Variants in NDC1 observed in about 807,000 individuals in gnomAD.
The protein encoded by NDC1 is nucleoporin NDC1.
In NDC1, 24 loss-of-function variants were observed where a neutral mutation model predicts 89.8. The observed-to-expected ratio is 0.27, with a 90% CI of 0.19 to 0.38. The LOEUF is 0.38. Ranked by LOEUF, NDC1 falls within the 10% of genes least tolerant of loss-of-function variation. NDC1 has a pLI of 1.00. For missense variants in NDC1, 728 were observed against 797.6 expected (o/e 0.91, Z 1.05); for synonymous variants, 296 against 284.8 (o/e 1.04, Z -0.39).
At chr1:53,816,478 C>A (rs538060057) in intron 6 of NDC1, among the ~76,000 whole-genome samples, 10 of 151,928 alleles carry the variant, frequency 6.6e-5, no homozygotes, top group Non-Finnish European at 1.5e-4. Flanking sequence ...AAACCTAAGA[C>A]CTGAAACCAT....
rs1647732242 is a variant in NDC1 at position 53,797,031 on chromosome 1, G to T, written c.1336C>A (p.Pro446Thr). The change falls in exon 12 of 18, where the codon CCA becomes ACA. Residue 446 changes from proline (P) to threonine (T), a missense_variant. Pro to Thr is a conservative substitution (Grantham distance 38). Coordinates refer to ENST00000371429, the MANE Select transcript of NDC1 (RefSeq NM_018087.5). ...CTAGAGCCAAATGGGGTCCCAAATG[G>T]GCTCACAACATCAGGTGTAGATAAT... ...SKLSTPDVVS[P>T]FGTPFGSSVM... The T allele has an allele frequency of 1.9e-6, 3 of 1,614,074 alleles. No individual in the cohort carries two copies. The highest frequency in any genetic ancestry group is 2.5e-6 in the Non-Finnish European group (3 of 1,180,024).
At chr1:53,835,678 C>A (rs1649207487) in intron 1 of NDC1, 58 bp from the exon 2 acceptor site, 2 of 1,467,960 alleles carry the variant, frequency 1.4e-6, no homozygotes, top group Non-Finnish European at 1.9e-6. Context: ...TTCAGTTATG[C>A]AAATCCTATC....
chr1:53,800,864 A>T lies in NDC1; in HGVS notation c.1067-16T>A. The T allele has an allele frequency of 6.4e-7, 1 of 1,554,048 alleles. No homozygotes were observed. Among genetic ancestry groups the T allele is most frequent in the Non-Finnish European group, 8.7e-7 (1 of 1,154,630 alleles). On this transcript the variant is annotated splice_polypyrimidine_tract_variant and intron_variant, in intron 10 of 17. Transcript: ENST00000371429. Reference sequence around the variant, plus strand: ...GGATGTCCACCTAGGAGGTCCAAACACCAGCTTTTAAAATGTAAATAATCT... The same window carrying T: ...GGATGTCCACCTAGGAGGTCCAAACTCCAGCTTTTAAAATGTAAATAATCT...
chr1:53,789,946 T>C (rs1252810671), intron 14 of NDC1, among the ~76,000 whole-genome samples: 1 of 144,800 alleles, frequency 6.9e-6, no homozygotes, highest in East Asian at 2.1e-4. Flanking sequence ...TCTACTAAAA[T>C]ACAAAAATTA....
At chr1:53,793,789 C>G (rs182260054) in intron 13 of NDC1, among the ~76,000 whole-genome samples, 7 of 152,082 alleles carry the variant, frequency 4.6e-5, no homozygotes, top group Admixed American at 3.9e-4. Flanking sequence ...CAGGGTCTCA[C>G]CATCTTGCCC....
chr1:53,798,931 T>C lies in NDC1; in HGVS notation c.1222+1762A>G, dbSNP rs1176947598. On this transcript the variant is annotated intron_variant, in intron 11 of 17. Coordinates refer to ENST00000371429, the MANE Select transcript of NDC1 (RefSeq NM_018087.5). Reference sequence around the variant, plus strand: ...AATTTAAAAATTAAGACTGGAGTTTTTAAGAGTTTTACAATTATTCTTCAA... The same window carrying C: ...AATTTAAAAATTAAGACTGGAGTTTCTAAGAGTTTTACAATTATTCTTCAA... 3.3e-5 allele frequency among the ~76,000 whole-genome samples: 5 copies of C among 152,238 alleles called. No homozygotes were observed. The East Asian group carries it at 9.6e-4, about 29-fold the overall frequency.
At chr1:53,778,681 G>A (rs1317801916) in intron 16 of NDC1, among the ~76,000 whole-genome samples, 1 of 152,110 alleles carries the variant, frequency 6.6e-6, no homozygotes, top group Non-Finnish European at 1.5e-5. Context: ...AATGACAATA[G>A]TATGTGAAAA....
At position 53,832,516 on chromosome 1, in the gene NDC1, C is replaced by CTTA. The variant is rs577226450; in HGVS notation, c.251_253dup (p.Ile84dup). On this transcript the variant is annotated inframe_insertion, in exon 3 of 18. Coordinates refer to ENST00000371429, the MANE Select transcript of NDC1 (RefSeq NM_018087.5). ...TGCATAGAACTCCACATTGAAAATA[C>CTTA]TTATTATTATTATTACCACTGACAG... The CTTA allele has an allele frequency of 3.8e-6, 6 of 1,587,430 alleles. No individual in the cohort carries two copies. The highest frequency in any genetic ancestry group is 4.5e-5 in the East Asian group (2 of 44,676).
chr1:53,835,579 C>G lies in NDC1; in HGVS notation c.99G>C (p.Val33=), dbSNP rs757496028. 6.2e-7 allele frequency: 1 copy of G among 1,613,078 alleles called. No individual in the cohort carries two copies. The highest frequency in any genetic ancestry group is 1.7e-5 in the Admixed American group (1 of 59,944). Reference sequence around the variant, plus strand: ...CTGTGGTGCAGATGGGTAGAAATAGCACTGACCAAACAATACTTGCAACTA... The same window carrying G: ...CTGTGGTGCAGATGGGTAGAAATAGGACTGACCAAACAATACTTGCAACTA... The part of the protein sequence containing the change: ...WRIVASIVWS[V]LFLPICTTVF... Residue 33 remains valine (V), a synonymous_variant, in exon 2 of 18, where the codon GTG becomes GTC. Transcript: ENST00000371429.
intron 13 of NDC1, among the ~76,000 whole-genome samples, chr1:53,796,013 C>G (rs1181897702): frequency 6.6e-6 from 1 of 152,178 alleles, no homozygotes. Context: ...GTTCTTCACA[C>G]AAGCCAAGGC....
intron 13 of NDC1, among the ~76,000 whole-genome samples, chr1:53,794,569 T>C (rs1647631292): frequency 6.6e-6 from 1 of 152,116 alleles, no homozygotes; most frequent in Admixed American, 6.6e-5. Flanking sequence ...ATTTCTCCCA[T>C]CTTAAAAAAT....
At chr1:53,785,194 G>T (rs185828032) in intron 16 of NDC1, among the ~76,000 whole-genome samples, 4 of 152,086 alleles carry the variant, frequency 2.6e-5, no homozygotes, top group Non-Finnish European at 5.9e-5. Flanking sequence ...AAATAATAAT[G>T]ATATCACATT....
chr1:53,790,484 A>G (rs1279331384), intron 14 of NDC1, among the ~76,000 whole-genome samples: 1 of 152,124 alleles, frequency 6.6e-6, no homozygotes, highest in African/African-American at 2.4e-5. Context: ...AGGAGGGCCA[A>G]TAACCTGAGG....
At position 53,789,147 on chromosome 1, in the gene NDC1, A is replaced by C; in HGVS notation, c.1685T>G (p.Ile562Ser). ...QAVFSDAQMH[I>S]WALEGLSHLV... ...TCATTGCTTACCTTCTAATGCCCAA[A>C]TATGCATTTGGGCATCTGAAAAAAC... Residue 562 changes from isoleucine (I) to serine (S), a missense_variant, in exon 15 of 18, where the codon ATT (isoleucine) becomes AGT (serine). By Grantham distance (142) the Ile-to-Ser change is moderately radical (BLOSUM62 -2). Coordinates refer to ENST00000371429, the MANE Select transcript of NDC1 (RefSeq NM_018087.5). 6.2e-7 allele frequency: 1 copy of C among 1,604,820 alleles called. No homozygotes were observed. Among genetic ancestry groups the C allele is most frequent in the Middle Eastern group, 1.7e-4 (1 of 5,904 alleles).
intron 7 of NDC1, 44 bp from the exon 8 acceptor site, chr1:53,807,835 A>G (rs375111066): frequency 8.3e-6 from 13 of 1,557,856 alleles, no homozygotes; most frequent in Non-Finnish European, 1.0e-5. Context: ...GAAAAATGCA[A>G]TCTAAATATT....
Position 53,800,828 on chromosome 1 carries a change from T to C in NDC1, c.1087A>G (p.Thr363Ala), listed in dbSNP as rs1194472334. 4 of 1,603,072 alleles carry C rather than the reference T, an allele frequency of 2.5e-6. No homozygotes were observed. Among genetic ancestry groups the C allele is most frequent in the Non-Finnish European group, 2.6e-6 (3 of 1,174,766 alleles). The stretch of plus-strand genomic sequence containing the variant: ...TTCAAACACTCCCTTGAAATGGCTG[T>C]CCAATTGTGGGGATGTCCACCTAGG... ...SQPGGHPHNW[T>A]AISRECLNLL... is the part of the protein sequence containing the mutation. Residue 363 changes from threonine (T) to alanine (A), a missense_variant, in exon 11 of 18, where the codon ACA becomes GCA. Transcript: ENST00000371429.
chr1:53,829,718 C>A (rs935600767), intron 3 of NDC1, among the ~76,000 whole-genome samples: 17 of 152,282 alleles, frequency 1.1e-4, no homozygotes, highest in African/African-American at 4.1e-4. Context: ...GGCTGGGGAC[C>A]CCTCAACTGA....
chr1:53,788,800 C>T (rs917978922), intron 15 of NDC1, among the ~76,000 whole-genome samples: 2 of 151,740 alleles, frequency 1.3e-5, no homozygotes, highest in African/African-American at 4.8e-5. Flanking sequence ...ACTCAGGAGG[C>T]TGAGGTGGAT....
chr1:53,792,452 C>T (rs763754631), intron 14 of NDC1, among the ~76,000 whole-genome samples: 6 of 152,190 alleles, frequency 3.9e-5, no homozygotes, highest in Non-Finnish European at 8.8e-5. Flanking sequence ...TATCTATATT[C>T]TATCAGGGTT....
Sources: gnomAD v4.1 joint callset for allele counts (sites outside exome capture counted in the v4.1 genomes callset) on GRCh38, gnomAD v4.1.1 for gene constraint, MANE v1.5 for transcripts, NCBI Gene and HGNC (gene_info 2026-07-23, HGNC 2026-07-21) for gene names.